KCNK12: variants seen among roughly 807,000 people sequenced by gnomAD.
KCNK12 encodes the protein potassium channel subfamily K member 12.
In KCNK12, 6 loss-of-function variants were observed where a neutral mutation model predicts 25.3. The ratio of observed to expected loss-of-function variants is 0.24; its 90% CI spans 0.13 to 0.47. KCNK12 has a LOEUF of 0.47. Among genes scored for constraint, KCNK12 ranks in the 20% least tolerant of loss-of-function variants. The pLI, the probability that KCNK12 is intolerant of heterozygous loss-of-function variation, is 0.99. For missense variants in KCNK12, 444 were observed against 661.7 expected, an observed-to-expected ratio of 0.67 and a Z score of 3.61; for synonymous variants, 331 against 311.1, an observed-to-expected ratio of 1.06 and a Z score of -0.67.
Position 47,512,563 on chromosome 2 carries a change from C to A in KCNK12, c.*8344G>T. On this transcript the variant is annotated 3_prime_UTR_variant, in exon 2 of 2. Coordinates refer to ENST00000327876, the MANE Select transcript of KCNK12 (RefSeq NM_022055.2). ...GACCAGAAAGGGGTCAGGAATATAA[C>A]TTTCTCTGCCCAGATTCCAGGACTT... 1 of 1,038,936 alleles carries A rather than the reference C, an allele frequency of 9.6e-7. No individual in the cohort carries two copies. The highest frequency in any genetic ancestry group is 1.4e-6 in the Non-Finnish European group (1 of 730,758). 64.4% of individuals were successfully genotyped at this position (1,038,936 alleles called of 1,614,324 possible).
At chr2:47,537,392 G>A (rs573178294) in intron 1 of KCNK12, among the ~76,000 whole-genome samples, 3 of 151,336 alleles carry the variant, frequency 2.0e-5, no homozygotes, top group East Asian at 2.0e-4. Context: ...GTGCACTGGC[G>A]CGATCTCAGC....
chr2:47,531,385 A>C (rs6726873), intron 1 of KCNK12, among the ~76,000 whole-genome samples: 232 of 152,026 alleles, frequency 1.5e-3, no homozygotes, highest in Middle Eastern at 0.01. Context: ...AAGTGAGAGG[A>C]TGGCTTGAGC....
chr2:47,566,421 TACAC>T lies in KCNK12; in HGVS notation c.391+3516_391+3519del, dbSNP rs1669788319. ...TCAAGAGTGTGTGTGTGCACGTGTG[TACAC>T]ACACACGTGCACACACACATACACA... On this transcript the variant is annotated intron_variant, in intron 1 of 1. Coordinates refer to ENST00000327876, the MANE Select transcript of KCNK12 (RefSeq NM_022055.2). The surrounding 1 kb of genome is among the most constrained non-coding windows in gnomAD (Gnocchi z 4.1). 2 of 151,558 alleles carry T rather than the reference TACAC, an allele frequency of 1.3e-5. No homozygotes were observed. Among genetic ancestry groups the T allele is most frequent in the Admixed American group, 6.6e-5 (1 of 15,214 alleles). 9.4% of individuals were successfully genotyped at this position (151,558 alleles called of 1,614,324 possible).
intron 1 of KCNK12, among the ~76,000 whole-genome samples, chr2:47,543,149 G>T (rs536347657): frequency 4.2e-4 from 64 of 152,026 alleles, no homozygotes; most frequent in African/African-American, 1.5e-3. Context: ...ATGTATCAAC[G>T]TAGCTGTGAA....
Position 47,565,511 on chromosome 2 carries a change from C to T in KCNK12, c.391+4430G>A, listed in dbSNP as rs1210059484. On this transcript the variant is annotated intron_variant, in intron 1 of 1. Coordinates refer to ENST00000327876, the MANE Select transcript of KCNK12 (RefSeq NM_022055.2). This position sits in a 1 kb window ranked among gnomAD's most constrained non-coding sequence, Gnocchi z 5.0. Reference sequence around the variant, plus strand: ...TATACCTACACCATCCCGTCTACAGCGGCATGATTTTAGCTTTATAGCTAA... The same window carrying T: ...TATACCTACACCATCCCGTCTACAGTGGCATGATTTTAGCTTTATAGCTAA... 4 of 152,158 alleles carry T rather than the reference C, an allele frequency of 2.6e-5. No individual in the cohort carries two copies. Among genetic ancestry groups the T allele is most frequent in the East Asian group, 3.8e-4 (2 of 5,202 alleles). 9.4% of individuals were successfully genotyped at this position (152,158 alleles called of 1,614,324 possible). A position where few individuals can be genotyped will look rare whatever the true frequency, so the allele number is the denominator to read the frequency against.
intron 1 of KCNK12, among the ~76,000 whole-genome samples, chr2:47,558,868 C>T (rs1460227986): frequency 6.6e-6 from 1 of 152,182 alleles, no homozygotes; most frequent in Non-Finnish European, 1.5e-5. Context: ...AATTGCATTT[C>T]ATTACTGATT....
rs1669693532 is a variant in KCNK12 at position 47,562,466 on chromosome 2, A to T, written c.391+7475T>A. Reference sequence around the variant, plus strand: ...CCACTGACCTGCTAGTAAGCCAGGAACTTAGCCCCATGTTGGGGGTTGGCC... The same window carrying T: ...CCACTGACCTGCTAGTAAGCCAGGATCTTAGCCCCATGTTGGGGGTTGGCC... On this transcript the variant is annotated intron_variant, in intron 1 of 1. Coordinates refer to ENST00000327876, the MANE Select transcript of KCNK12 (RefSeq NM_022055.2). This position sits in a 1 kb window ranked among gnomAD's most constrained non-coding sequence, Gnocchi z 4.8. The T allele has an allele frequency of 3.9e-6, 1 of 254,900 alleles. No homozygotes were observed. Among genetic ancestry groups the T allele is most frequent in the African/African-American group, 2.2e-5 (1 of 46,100 alleles). The allele number at this position is 254,900 out of a possible 1,614,324, so 15.8% of individuals were successfully genotyped here.
chr2:47,554,643 A>G (rs1448230981), intron 1 of KCNK12, among the ~76,000 whole-genome samples: 3 of 152,208 alleles, frequency 2.0e-5, no homozygotes, highest in Admixed American at 6.5e-5. Context: ...GTCATGGTGA[A>G]GAGTCAGATT....
In KCNK12 at chr2:47,520,117, C is replaced by G. The variant is rs943297046; in HGVS notation, c.*790G>C. On this transcript the variant is annotated 3_prime_UTR_variant, in exon 2 of 2. Transcript: ENST00000327876. The surrounding 1 kb of genome is among the most constrained non-coding windows in gnomAD (Gnocchi z 5.0). ...GACGGTTGGGGGATTCAAGATCTGC[C>G]GATCCGAGCCTGGAGATCAGCCAGC... 2.6e-5 allele frequency: 4 copies of G among 152,174 alleles called. No homozygotes were observed. The highest frequency in any genetic ancestry group is 1.9e-4 in the East Asian group (1 of 5,186). 9.4% of individuals were successfully genotyped at this position (152,174 alleles called of 1,614,324 possible). A position where few individuals can be genotyped will look rare whatever the true frequency, so the allele number is the denominator to read the frequency against.
chr2:47,530,882 A>G (rs377698583), intron 1 of KCNK12, among the ~76,000 whole-genome samples: 106 of 152,324 alleles, frequency 7.0e-4, no homozygotes, highest in African/African-American at 2.5e-3. Context: ...GAAGTTCAGT[A>G]ACTTGCCCAA....
chr2:47,550,352 TAC>T (rs1437984262), intron 1 of KCNK12, among the ~76,000 whole-genome samples: 2 of 149,258 alleles, frequency 1.3e-5, no homozygotes, highest in African/African-American at 5.0e-5. Context: ...CACAATTACT[TAC>T]AGATAGAGAA....
intron 1 of KCNK12, among the ~76,000 whole-genome samples, chr2:47,544,476 A>C (rs1669269816): frequency 6.6e-6 from 1 of 152,228 alleles, no homozygotes. Flanking sequence ...GGCTAACACC[A>C]TTGTTCGCAG....
At chr2:47,539,937 C>T (rs1669160723) in intron 1 of KCNK12, among the ~76,000 whole-genome samples, 2 of 152,120 alleles carry the variant, frequency 1.3e-5, no homozygotes, top group African/African-American at 4.8e-5. Flanking sequence ...AATCACAAGC[C>T]CTGGAGTCAA....
rs571105227 is a variant in KCNK12, at chr2:47,548,717, A to G, written c.391+21224T>C. On this transcript the variant is annotated intron_variant, in intron 1 of 1. Transcript: ENST00000327876. This position sits in a 1 kb window ranked among gnomAD's most constrained non-coding sequence, Gnocchi z 4.4. ...AGATAATTATTTTCAGACATTGGAA[A>G]AAAGGTAGTTCAGGATTATGGTCCC... 1.8e-4 allele frequency among the ~76,000 whole-genome samples: 28 copies of G among 152,366 alleles called. No individual in the cohort carries two copies. Among genetic ancestry groups the G allele is most frequent in the African/African-American group, 6.7e-4 (28 of 41,586 alleles).
At position 47,512,662 on chromosome 2, in the gene KCNK12, C is replaced by G. The variant is rs999726260; in HGVS notation, c.*8245G>C. Reference sequence around the variant, plus strand: ...AATGGGATGATGTGCCCTTGTACACCCACTGCCTCTGAACTCTGCTCTGCA... The same window carrying G: ...AATGGGATGATGTGCCCTTGTACACGCACTGCCTCTGAACTCTGCTCTGCA... On this transcript the variant is annotated 3_prime_UTR_variant, in exon 2 of 2. Coordinates refer to ENST00000327876, the MANE Select transcript of KCNK12 (RefSeq NM_022055.2). The G allele has an allele frequency of 6.0e-5, 31 of 516,470 alleles. No individual in the cohort carries two copies. Among genetic ancestry groups the G allele is most frequent in the African/African-American group, 5.6e-4 (29 of 52,176 alleles). 32.0% of individuals were successfully genotyped at this position (516,470 alleles called of 1,614,324 possible).
Position 47,555,681 on chromosome 2 carries a change from A to T in KCNK12, c.391+14260T>A, listed in dbSNP as rs1233319827. Among the ~76,000 whole-genome samples the T allele has an allele frequency of 2.0e-5, 3 of 152,180 alleles. No individual in the cohort carries two copies. The highest frequency in any genetic ancestry group is 7.2e-5 in the African/African-American group (3 of 41,430). On this transcript the variant is annotated intron_variant, in intron 1 of 1. Transcript: ENST00000327876. The surrounding 1 kb of genome is among the most constrained non-coding windows in gnomAD (Gnocchi z 4.5). Reference sequence around the variant, plus strand: ...CTTTTCTCCTATTAATCTGTCTTTTAATTCAGGGCCCTAGCGGCTGAAAAT... The same window carrying T: ...CTTTTCTCCTATTAATCTGTCTTTTTATTCAGGGCCCTAGCGGCTGAAAAT...
chr2:47,526,657 C>T (rs961906258), intron 1 of KCNK12, among the ~76,000 whole-genome samples: 7 of 152,002 alleles, frequency 4.6e-5, no homozygotes, highest in Non-Finnish European at 8.8e-5. Context: ...CGCTTGAATC[C>T]GGGAGGCAGA....
chr2:47,551,986 CTTG>C lies in KCNK12; in HGVS notation c.391+17952_391+17954del, dbSNP rs1669443261. ...AAGGGCCTGCATCACCTCCTTCCTT[CTTG>C]TTTGGCCCTGGGGACGACCGGTGGT... On this transcript the variant is annotated intron_variant, in intron 1 of 1. Coordinates refer to ENST00000327876, the MANE Select transcript of KCNK12 (RefSeq NM_022055.2). The surrounding 1 kb of genome is among the most constrained non-coding windows in gnomAD (Gnocchi z 5.3). Among the ~76,000 whole-genome samples, 1 of 152,150 alleles carries C rather than the reference CTTG, an allele frequency of 6.6e-6. No homozygotes were observed. Among genetic ancestry groups the C allele is most frequent in the Admixed American group, 6.5e-5 (1 of 15,284 alleles).
At chr2:47,553,512 G>A (rs768673769) in intron 1 of KCNK12, among the ~76,000 whole-genome samples, 2 of 152,160 alleles carry the variant, frequency 1.3e-5, no homozygotes, top group Admixed American at 6.5e-5. Context: ...CTGATTTAAT[G>A]TTTGAGGTGA....
Sources: gnomAD v4.1 joint callset for allele counts (sites outside exome capture counted in the v4.1 genomes callset) on GRCh38, gnomAD v4.1.1 for gene constraint, Gnocchi (gnomAD v3.1) non-coding constraint, MANE v1.5 for transcripts, NCBI Gene and HGNC (gene_info 2026-07-23, HGNC 2026-07-21) for gene names.